The following AKAP6 variants were observed in gnomAD, a reference collection of about 807,000 sequenced individuals.
AKAP6 encodes the protein A-kinase anchor protein 6.
A neutral mutation model predicts 188.5 loss-of-function variants in AKAP6; 58 were observed. That is an observed-to-expected ratio of 0.31 (90% CI 0.25 to 0.38). The LOEUF is 0.38. AKAP6 is among the 10% of genes least tolerant of loss of function. The probability of loss-of-function intolerance (pLI) is 1.00; values close to 1 mark genes in which losing one functional copy is unlikely to be tolerated. For missense variants in AKAP6, 2,710 were observed against 2,740.0 expected (o/e 0.99, Z 0.24); for synonymous variants, 989 against 998.6 (o/e 0.99, Z 0.18).
At chr14:32,697,856 G>A (rs895446336) in intron 9 of AKAP6, among the ~76,000 whole-genome samples, 2 of 151,932 alleles carry the variant, frequency 1.3e-5, no homozygotes, top group East Asian at 3.9e-4. Flanking sequence ...TCCCATTCTG[G>A]CATATTGAAG....
chr14:32,533,128 G>A (rs1305167023), intron 2 of AKAP6, among the ~76,000 whole-genome samples: 1 of 152,206 alleles, frequency 6.6e-6, no homozygotes, highest in Non-Finnish European at 1.5e-5. Context: ...AGGCTACCAT[G>A]TTGGTTGGTT....
At chr14:32,597,578 G>T (rs1885756931) in intron 5 of AKAP6, among the ~76,000 whole-genome samples, 1 of 152,126 alleles carries the variant, frequency 6.6e-6, no homozygotes, top group East Asian at 1.9e-4. Flanking sequence ...GGATTGATCA[G>T]AAGTATGAGG....
At chr14:32,705,670 A>G (rs1478434316) in intron 9 of AKAP6, among the ~76,000 whole-genome samples, 1 of 152,120 alleles carries the variant, frequency 6.6e-6, no homozygotes, top group Non-Finnish European at 1.5e-5. Context: ...AAGGCACAGA[A>G]CTTGTCCCTT....
intron 7 of AKAP6, among the ~76,000 whole-genome samples, chr14:32,667,179 A>G (rs985098005): frequency 6.6e-6 from 1 of 152,104 alleles, no homozygotes; most frequent in African/African-American, 2.4e-5. Context: ...TCGGAGCCTA[A>G]AATGGAGTGT....
intron 7 of AKAP6, among the ~76,000 whole-genome samples, chr14:32,630,909 G>T (rs897079741): frequency 1.3e-5 from 2 of 152,086 alleles, no homozygotes; most frequent in Non-Finnish European, 2.9e-5. Context: ...GTAGTCAGCA[G>T]ATATTCTTCT....
chr14:32,390,651 G>A (rs1202282971), intron 1 of AKAP6, among the ~76,000 whole-genome samples: 2 of 152,160 alleles, frequency 1.3e-5, no homozygotes, highest in Non-Finnish European at 2.9e-5. Flanking sequence ...AAGTCTACCA[G>A]GTTCTGGGCT....
intron 1 of AKAP6, among the ~76,000 whole-genome samples, chr14:32,370,813 T>G (rs1887981454): frequency 6.6e-6 from 1 of 152,220 alleles, no homozygotes; most frequent in South Asian, 2.1e-4. Context: ...ATGAAAAGAC[T>G]TGGGCAGATT....
intron 2 of AKAP6, among the ~76,000 whole-genome samples, chr14:32,462,916 A>AAAAAAAAAAAAAAAAAAAAAAC (rs1891389540): frequency 2.1e-5 from 2 of 93,776 alleles, no homozygotes; most frequent in Admixed American, 1.1e-4. Flanking sequence ...AAAAAAAAAA[A>AAAAAAAAAAAAAAAAAAAAAAC]AAAAAAAAAA....
intron 2 of AKAP6, among the ~76,000 whole-genome samples, chr14:32,510,178 C>T (rs956458788): frequency 1.3e-5 from 2 of 151,730 alleles, no homozygotes; most frequent in African/African-American, 4.8e-5. Flanking sequence ...CTGCCCAGCT[C>T]TTCTCCCATG....
chr14:32,451,902 A>T (rs1039432671), intron 2 of AKAP6, among the ~76,000 whole-genome samples: 1 of 150,084 alleles, frequency 6.7e-6, no homozygotes, highest in African/African-American at 2.5e-5. Flanking sequence ...TCTTAACCCT[A>T]CTTCCTCCAC....
At chr14:32,683,572 A>C (rs1288412051) in intron 8 of AKAP6, among the ~76,000 whole-genome samples, 3 of 152,238 alleles carry the variant, frequency 2.0e-5, no homozygotes, top group Non-Finnish European at 4.4e-5. Context: ...TATTAAGTGC[A>C]GGCTGTGTTA....
At chr14:32,731,671 C>G (rs1281517755) in intron 9 of AKAP6, among the ~76,000 whole-genome samples, 2 of 152,072 alleles carry the variant, frequency 1.3e-5, no homozygotes, top group East Asian at 1.9e-4. Context: ...CAGTCATAGT[C>G]ATTTATGGCT....
At chr14:32,657,372 T>C (rs1265960858) in intron 7 of AKAP6, among the ~76,000 whole-genome samples, 2 of 152,162 alleles carry the variant, frequency 1.3e-5, no homozygotes, top group African/African-American at 4.8e-5. Flanking sequence ...GCAATTCCAA[T>C]GTTAGTAACA....
At chr14:32,668,867 A>G (rs1361748840) in intron 7 of AKAP6, among the ~76,000 whole-genome samples, 2 of 152,212 alleles carry the variant, frequency 1.3e-5, no homozygotes, top group East Asian at 1.9e-4. Context: ...TTGCTGAGTA[A>G]TAATATTGAA....
At chr14:32,826,131 G>C (rs1250571759) in intron 13 of AKAP6, among the ~76,000 whole-genome samples, 2 of 151,966 alleles carry the variant, frequency 1.3e-5, no homozygotes, top group African/African-American at 4.8e-5. Context: ...TTATTAAAAT[G>C]TGTGATTCTG....
Position 32,824,060 on chromosome 14 carries a change from G to A in AKAP6, c.6247G>A (p.Ala2083Thr), listed in dbSNP as rs751608611. The part of the protein sequence containing the change: ...SKSQPENEVA[A>T]PTSLTQIKEK... ...ATCTCAACCTGAAAACGAGGTGGCT[G>A]CTCCTACTTCATTAACTCAAATCAA... The change falls in exon 13 of 14, where the codon GCT (alanine) becomes ACT (threonine). Residue 2083 changes from alanine (A) to threonine (T), a missense_variant. Ala to Thr is a moderately conservative substitution (Grantham distance 58). Coordinates refer to ENST00000280979, the MANE Select transcript of AKAP6 (RefSeq NM_004274.5). 1 of 1,613,896 alleles carries A rather than the reference G, an allele frequency of 6.2e-7. No homozygotes were observed. The highest frequency in any genetic ancestry group is 1.1e-5 in the South Asian group (1 of 91,078).
chr14:32,537,766 G>T (rs542626407), intron 3 of AKAP6, among the ~76,000 whole-genome samples: 1 of 152,166 alleles, frequency 6.6e-6, no homozygotes, highest in Admixed American at 6.5e-5. Context: ...AGGGTTTGTT[G>T]TTATTATTGT....
At chr14:32,564,676 GA>G (rs1340766943) in intron 4 of AKAP6, among the ~76,000 whole-genome samples, 2 of 152,174 alleles carry the variant, frequency 1.3e-5, no homozygotes, top group Non-Finnish European at 2.9e-5. Context: ...AAGAACCTCA[GA>G]TGTTAACAGT....
chr14:32,557,592 C>T (rs777169647), intron 4 of AKAP6, among the ~76,000 whole-genome samples: 1 of 152,002 alleles, frequency 6.6e-6, no homozygotes, highest in Admixed American at 6.6e-5. Flanking sequence ...ACCAGTGTTC[C>T]TAGTGTTGAT....
Sources: gnomAD v4.1 joint callset for allele counts (sites outside exome capture counted in the v4.1 genomes callset) on GRCh38, gnomAD v4.1.1 for gene constraint, MANE v1.5 for transcripts, NCBI Gene and HGNC (gene_info 2026-07-23, HGNC 2026-07-21) for gene names.